Variants in SPINK5 observed in about 807,000 individuals in gnomAD.
The protein encoded by SPINK5 is serine peptidase inhibitor Kazal type 5.
Under a neutral mutation model 151.8 loss-of-function variants are expected in SPINK5, and 125 were observed. The ratio of observed to expected loss-of-function variants is 0.82; its 90% confidence interval spans 0.71 to 0.96. The LOEUF (loss-of-function observed/expected upper bound fraction) is 0.96, where lower values mean the gene tolerates loss of function less well. Among genes scored for constraint, SPINK5 ranks in the 40% least tolerant of loss-of-function variants. SPINK5 has a pLI of 0.00. For missense variants in SPINK5, 1,194 were observed against 1,291.9 expected (o/e 0.92, Z 1.16); for synonymous variants, 374 against 395.3 (o/e 0.95, Z 0.64).
chr5:148,066,183 C>A (rs12519144), intron 2 of SPINK5, among the ~76,000 whole-genome samples: 1 of 151,864 alleles, frequency 6.6e-6, no homozygotes, highest in Non-Finnish European at 1.5e-5. Flanking sequence ...GAGGCCCTGA[C>A]GCAAGAAGGT....
intron 3 of SPINK5, 86 bp downstream of exon 3, chr5:148,070,536 T>C: frequency 6.4e-7 from 1 of 1,558,328 alleles, no homozygotes; most frequent in Non-Finnish European, 8.8e-7. Context: ...TTCTTTCAAG[T>C]GCATTTTTCT....
intron 12 of SPINK5, among the ~76,000 whole-genome samples, chr5:148,100,179 G>A (rs1209441922): frequency 6.6e-6 from 1 of 151,976 alleles, no homozygotes; most frequent in African/African-American, 2.4e-5. Context: ...TACCCTGTAT[G>A]TTCGTACCTA....
intron 16 of SPINK5, among the ~76,000 whole-genome samples, chr5:148,105,760 G>T (rs916030962): frequency 2.6e-5 from 4 of 151,396 alleles, no homozygotes; most frequent in Admixed American, 6.6e-5. Flanking sequence ...GGGATTACAG[G>T]CACGTGCCAC....
chr5:148,070,076 C>T (rs1752697308), intron 2 of SPINK5, among the ~76,000 whole-genome samples: 1 of 151,822 alleles, frequency 6.6e-6, no homozygotes, highest in South Asian at 2.1e-4. Context: ...ATAATACTGA[C>T]AATCACCAGC....
chr5:148,116,896 T>G (rs910297207), intron 22 of SPINK5, among the ~76,000 whole-genome samples: 2 of 152,224 alleles, frequency 1.3e-5, no homozygotes, highest in African/African-American at 4.8e-5. Context: ...GTTATGATTC[T>G]GCTCCTACTA....
At chr5:148,096,235 G>A (rs11948461) in intron 10 of SPINK5, among the ~76,000 whole-genome samples, 70,298 of 151,662 alleles carry the variant, frequency 0.46, 17,052 homozygotes, top group Admixed American at 0.59. Context: ...TAGCTATTGT[G>A]AAGGTATTTA....
At chr5:148,112,437 G>A (rs2113160989) in intron 19 of SPINK5, among the ~76,000 whole-genome samples, 1 of 152,208 alleles carries the variant, frequency 6.6e-6, no homozygotes, top group African/African-American at 2.4e-5. Context: ...CACTTTGGGA[G>A]GCCGAGGCGG....
At chr5:148,103,782 G>C (rs1398089126) in intron 15 of SPINK5, among the ~76,000 whole-genome samples, 6 of 152,064 alleles carry the variant, frequency 3.9e-5, no homozygotes, top group African/African-American at 1.4e-4. Context: ...TTCATACCAT[G>C]TGAAAACAGT....
rs764034478 is a variant in SPINK5, at chr5:148,133,808, C to T, written c.3107C>T (p.Thr1036Ile). 4.1e-5 allele frequency: 66 copies of T among 1,613,838 alleles called. No homozygotes were observed. The highest frequency in any genetic ancestry group is 5.3e-5 in the Non-Finnish European group (63 of 1,179,946). The change falls in exon 32 of 33, where the codon ACA becomes ATA. Residue 1036 changes from threonine (T) to isoleucine (I), a missense_variant. By Grantham distance (89) the Thr-to-Ile change is moderately conservative. Coordinates refer to ENST00000256084, the MANE Select transcript of SPINK5 (RefSeq NM_006846.4). Reference sequence around the variant, plus strand: ...CTGATCTGTTTTAGGATACGCCAAACAAATACACACATCCGCAGTACAGGG... The same window carrying T: ...CTGATCTGTTTTAGGATACGCCAAATAAATACACACATCCGCAGTACAGGG... ...MLCHENLIRQTNTHIRSTGKC... is the reference protein window; with the variant it reads ...MLCHENLIRQINTHIRSTGKC...
At chr5:148,095,018 G>A (rs1296835766) in intron 9 of SPINK5, among the ~76,000 whole-genome samples, 1 of 151,834 alleles carries the variant, frequency 6.6e-6, no homozygotes, top group African/African-American at 2.4e-5. Flanking sequence ...GGCTTCTCTA[G>A]CTCTACAAGC....
rs1197228420 is a variant in SPINK5 at position 148,099,168 on chromosome 5, G to T, written c.1011-66G>T. 4.9e-6 allele frequency: 7 copies of T among 1,430,762 alleles called. No individual in the cohort carries two copies. In the African/African-American group the frequency reaches 8.5e-5, roughly 17 times the overall value. The allele number at this position is 1,430,762 out of a possible 1,614,324, so 88.6% of individuals were successfully genotyped here. ...GGAGGGAGAACAGTTAACAGTGCAA[G>T]GATGTGGAGAAATCATGGCATGTGT... On this transcript the variant is annotated intron_variant, in intron 11 of 32. Coordinates refer to ENST00000256084, the MANE Select transcript of SPINK5 (RefSeq NM_006846.4).
At chr5:148,082,585 G>T (rs2113032389) in intron 4 of SPINK5, among the ~76,000 whole-genome samples, 2 of 146,406 alleles carry the variant, frequency 1.4e-5, no homozygotes, top group South Asian at 4.3e-4. Context: ...CTGCTTTTAT[G>T]AATGTTTTAT....
intron 17 of SPINK5, among the ~76,000 whole-genome samples, chr5:148,108,346 T>C (rs755501751): frequency 6.6e-5 from 10 of 152,334 alleles, no homozygotes; most frequent in African/African-American, 1.9e-4. Flanking sequence ...TGGTTTATTA[T>C]GATTTTGAGC....
chr5:148,084,712 G>A (rs116949168), intron 4 of SPINK5, among the ~76,000 whole-genome samples: 5,136 of 151,756 alleles, frequency 0.034, 148 homozygotes, highest in East Asian at 0.12. Flanking sequence ...TTTATGCTTC[G>A]GTCACATTTC....
Position 148,064,042 on chromosome 5 carries a change from A to G in SPINK5, c.-3A>G. 2 of 1,614,178 alleles carry G rather than the reference A, an allele frequency of 1.2e-6. No homozygotes were observed. The highest frequency in any genetic ancestry group is 1.7e-6 in the Non-Finnish European group (2 of 1,180,024). ...CCTGTAGGCGACTTGCATCGTCTTCAACATGAAGATAGCCACAGTGTCAGT... is the reference window on the plus strand; with the variant it reads ...CCTGTAGGCGACTTGCATCGTCTTCGACATGAAGATAGCCACAGTGTCAGT... On this transcript the variant is annotated 5_prime_UTR_variant, in exon 1 of 33. Coordinates refer to ENST00000256084, the MANE Select transcript of SPINK5 (RefSeq NM_006846.4).
At chr5:148,127,626 C>T (rs1049248633) in intron 30 of SPINK5, among the ~76,000 whole-genome samples, 11 of 151,972 alleles carry the variant, frequency 7.2e-5, no homozygotes, top group African/African-American at 2.7e-4. Context: ...GCCAAGCGGG[C>T]AGATCCCTTG....
chr5:148,084,372 A>G (rs1047936088), intron 4 of SPINK5, among the ~76,000 whole-genome samples: 2 of 151,830 alleles, frequency 1.3e-5, no homozygotes, highest in African/African-American at 4.8e-5. Context: ...CAGGTCAGGA[A>G]TCTATCTGTA....
intron 8 of SPINK5, among the ~76,000 whole-genome samples, chr5:148,092,249 T>C (rs1753331594): frequency 6.6e-6 from 1 of 151,862 alleles, no homozygotes; most frequent in Non-Finnish European, 1.5e-5. Context: ...AGCCCTTCAG[T>C]TCGTAATGCT....
At chr5:148,096,836 G>T (rs1753480932) in intron 10 of SPINK5, among the ~76,000 whole-genome samples, 1 of 144,370 alleles carries the variant, frequency 6.9e-6, no homozygotes. Flanking sequence ...ATGGCTCACT[G>T]CAGCCTTGAC....
Sources: gnomAD v4.1 joint callset for allele counts (sites outside exome capture counted in the v4.1 genomes callset) on GRCh38, gnomAD v4.1.1 for gene constraint, MANE v1.5 for transcripts, NCBI Gene and HGNC (gene_info 2026-07-23, HGNC 2026-07-21) for gene names.